The following CCT6B variants were observed in gnomAD, a reference collection of about 807,000 sequenced individuals.
The protein encoded by CCT6B is probable T-complex protein 1 subunit zeta-2.
A neutral mutation model predicts 61.5 loss-of-function variants in CCT6B; 49 were observed. The observed-to-expected ratio is 0.80, with a 90% CI of 0.63 to 1.01. CCT6B has a LOEUF of 1.01. Among genes scored for constraint, CCT6B ranks in the 50% least tolerant of loss-of-function variants. The pLI is 0.00. For synonymous variants in CCT6B, 228 were observed against 214.5 expected (o/e 1.06, Z -0.55); for missense variants, 666 against 634.7 (o/e 1.05, Z -0.53).
At chr17:34,946,249 A>G (rs1039323019) in intron 5 of CCT6B, among the ~76,000 whole-genome samples, 2 of 152,242 alleles carry the variant, frequency 1.3e-5, no homozygotes, top group Non-Finnish European at 2.9e-5. Flanking sequence ...TCTAGGTCTC[A>G]AATTATTTCT....
At chr17:34,960,522 G>A (rs1334444985) in intron 1 of CCT6B, among the ~76,000 whole-genome samples, 1 of 152,056 alleles carries the variant, frequency 6.6e-6, no homozygotes, top group Non-Finnish European at 1.5e-5. Context: ...CCTTTCTTCA[G>A]CATAATTATA....
rs756697013 is a variant in CCT6B, at chr17:34,940,610, T to C, written c.897A>G (p.Pro299=). 1.4e-5 allele frequency: 21 copies of C among 1,524,324 alleles called. No homozygotes were observed. The highest frequency in any genetic ancestry group is 1.9e-5 in the Non-Finnish European group (21 of 1,111,380). The allele number at this position is 1,524,324 out of a possible 1,614,324, so 94.4% of individuals were successfully genotyped here. A position where few individuals can be genotyped will look rare whatever the true frequency, so the allele number is the denominator to read the frequency against. ...FVVINQKGID[P]FSLDSLAKHG... Reference sequence around the variant, plus strand: ...GTTTTGCAAGAGAATCTAAGGAAAATGGATCAATTCCCTATAATCAAATTA... The same window carrying C: ...GTTTTGCAAGAGAATCTAAGGAAAACGGATCAATTCCCTATAATCAAATTA... The change falls in exon 8 of 14, where the codon CCA becomes CCG. Residue 299 remains proline, a synonymous_variant. Transcript: ENST00000314144.
At chr17:34,937,257 G>T (rs1238846138) in intron 10 of CCT6B, among the ~76,000 whole-genome samples, 1 of 151,710 alleles carries the variant, frequency 6.6e-6, no homozygotes, top group Non-Finnish European at 1.5e-5. Flanking sequence ...AAATGCCAAA[G>T]ACTTAGAATG....
At chr17:34,945,394 C>T (rs1322553135) in intron 5 of CCT6B, among the ~76,000 whole-genome samples, 1 of 152,162 alleles carries the variant, frequency 6.6e-6, no homozygotes, top group African/African-American at 2.4e-5. Context: ...TGATTTATCT[C>T]CCCAAATCTG....
Position 34,939,623 on chromosome 17 carries a change from A to C in CCT6B, c.1059T>G (p.Tyr353Ter). ...TGTTCATAGAAATACTCACTAATGT[A>C]TACTCATACACAAGACCAGCATGTC... is the stretch of plus-strand genomic sequence containing the variant. The part of the protein sequence containing the change: ...CLGHAGLVYE[Y>*]TLGEEKFTFI... Residue 353 changes from tyrosine to a stop codon, truncating the protein, a stop_gained, in exon 9 of 14, where the codon TAT (tyrosine) becomes TAG (stop). Transcript: ENST00000314144. LOFTEE classifies it high-confidence loss of function. 1 of 1,589,606 alleles carries C rather than the reference A, an allele frequency of 6.3e-7. No individual in the cohort carries two copies. Among genetic ancestry groups the C allele is most frequent in the Non-Finnish European group, 8.6e-7 (1 of 1,157,746 alleles).
At position 34,942,663 on chromosome 17, in the gene CCT6B, C is replaced by T; in HGVS notation, c.726-20G>A. Reference sequence around the variant, plus strand: ...ACCTCTCTAAAAGATTAATAAAAACCAGCTAGTAAAGGCAGGAGGAAAAAG... The same window carrying T: ...ACCTCTCTAAAAGATTAATAAAAACTAGCTAGTAAAGGCAGGAGGAAAAAG... On this transcript the variant is annotated intron_variant, in intron 6 of 13. Coordinates refer to ENST00000314144, the MANE Select transcript of CCT6B (RefSeq NM_006584.4). The T allele has an allele frequency of 6.4e-7, 1 of 1,565,242 alleles. No individual in the cohort carries two copies. Among genetic ancestry groups the T allele is most frequent in the South Asian group, 1.2e-5 (1 of 83,076 alleles).
At chr17:34,948,433 G>T (rs935358509) in intron 5 of CCT6B, among the ~76,000 whole-genome samples, 1 of 151,972 alleles carries the variant, frequency 6.6e-6, no homozygotes, top group Non-Finnish European at 1.5e-5. Context: ...AAGAAAACTG[G>T]GCCGGGCACA....
intron 3 of CCT6B, among the ~76,000 whole-genome samples, chr17:34,957,634 G>A (rs143898730): frequency 1.4e-4 from 22 of 152,246 alleles, no homozygotes; most frequent in Admixed American, 3.3e-4. Flanking sequence ...TAGTCAAGTT[G>A]TTTACAGCCA....
chr17:34,943,555 A>G (rs1311797159), intron 5 of CCT6B: 3 of 152,264 alleles, frequency 2.0e-5, no homozygotes, highest in East Asian at 1.9e-4. Context: ...AAGCATGCCT[A>G]TAACTGTTCT....
At chr17:34,936,701 T>C (rs939459469) in intron 10 of CCT6B, among the ~76,000 whole-genome samples, 1 of 151,898 alleles carries the variant, frequency 6.6e-6, no homozygotes. Flanking sequence ...TATATAGAGA[T>C]AAATATGGAA....
chr17:34,928,917 A>G (rs781036410), intron 13 of CCT6B, 45 bp downstream of exon 13: 1 of 1,096,328 alleles, frequency 9.1e-7, no homozygotes, highest in African/African-American at 1.6e-5. Flanking sequence ...AATATTATCA[A>G]TTATAACTCT....
intron 4 of CCT6B, among the ~76,000 whole-genome samples, chr17:34,953,409 C>T (rs1252734913): frequency 6.6e-6 from 1 of 150,860 alleles, no homozygotes; most frequent in African/African-American, 2.4e-5. Context: ...CAGCTCACTG[C>T]AACCTCCCCC....
At position 34,928,094 on chromosome 17, in the gene CCT6B, A is replaced by G. The variant is rs1192160282; in HGVS notation, c.1547T>C (p.Leu516Pro). ...AGCTCGCATAATTTCATCAACCAGG[A>G]GAATGTTGGTGGCAATCACTGTGCT... ...HSCTVIATNI[L>P]LVDEIMRAGM... Residue 516 changes from leucine to proline, a missense_variant, in exon 14 of 14, where the codon CTC becomes CCC. Coordinates refer to ENST00000314144, the MANE Select transcript of CCT6B (RefSeq NM_006584.4). 1 of 1,612,212 alleles carries G rather than the reference A, an allele frequency of 6.2e-7. No homozygotes were observed. The highest frequency in any genetic ancestry group is 1.1e-5 in the South Asian group (1 of 90,788).
intron 10 of CCT6B, among the ~76,000 whole-genome samples, chr17:34,936,193 T>C (rs769994817): frequency 2.0e-5 from 3 of 152,062 alleles, no homozygotes; most frequent in East Asian, 1.9e-4. Flanking sequence ...AGGTGACCCA[T>C]GCACGTCAGC....
intron 5 of CCT6B, among the ~76,000 whole-genome samples, chr17:34,946,292 C>T (rs1252104450): frequency 2.0e-5 from 3 of 152,074 alleles, no homozygotes; most frequent in Admixed American, 6.5e-5. Context: ...ATGAATGGCA[C>T]ATATGAACAC....
At chr17:34,961,178 C>G in intron 1 of CCT6B, 79 bp downstream of exon 1, 1 of 1,497,572 alleles carries the variant, frequency 6.7e-7, no homozygotes, top group South Asian at 1.3e-5. Context: ...CACAGCGCTA[C>G]GCGGACGCCT....
At chr17:34,932,135 C>G (rs1015507611) in intron 11 of CCT6B, among the ~76,000 whole-genome samples, 2 of 152,122 alleles carry the variant, frequency 1.3e-5, no homozygotes, top group Non-Finnish European at 2.9e-5. Flanking sequence ...TTTTGGAACT[C>G]AGAGAAAGAA....
intron 4 of CCT6B, among the ~76,000 whole-genome samples, chr17:34,952,848 C>T (rs2142173931): frequency 6.6e-6 from 1 of 152,184 alleles, no homozygotes; most frequent in East Asian, 1.9e-4. Flanking sequence ...ATTTTAGAGG[C>T]AAATAAGAAA....
chr17:34,936,610 A>G (rs563968269), intron 10 of CCT6B, among the ~76,000 whole-genome samples: 1 of 152,336 alleles, frequency 6.6e-6, no homozygotes, highest in South Asian at 2.1e-4. Flanking sequence ...AAAATAAAAT[A>G]TATTTCTATA....
Sources: gnomAD v4.1 joint callset for allele counts (sites outside exome capture counted in the v4.1 genomes callset) on GRCh38, gnomAD v4.1.1 for gene constraint, MANE v1.5 for transcripts, NCBI Gene and HGNC (gene_info 2026-07-23, HGNC 2026-07-21) for gene names.